NRXN1: variants seen among roughly 807,000 people sequenced by gnomAD.
The protein encoded by NRXN1 is neurexin-1.
Under a neutral mutation model 150.9 loss-of-function variants are expected in NRXN1, and 39 were observed. The observed-to-expected ratio is 0.26, with a 90% CI of 0.20 to 0.34. The LOEUF is 0.34. Among genes scored for constraint, NRXN1 ranks in the 10% least tolerant of loss-of-function variants. NRXN1 has a pLI of 1.00. For synonymous variants in NRXN1, 924 were observed against 757.0 expected (o/e 1.22, Z -3.62); for missense variants, 1,815 against 1,949.9 (o/e 0.93, Z 1.30).
At chr2:50,944,048 G>A (rs541531529) in intron 2 of NRXN1, among the ~76,000 whole-genome samples, 1 of 152,252 alleles carries the variant, frequency 6.6e-6, no homozygotes, top group Admixed American at 6.6e-5. Context: ...AATATGCAGG[G>A]CTTGGTTGTT....
At chr2:50,234,309 C>T (rs1033321579) in intron 18 of NRXN1, among the ~76,000 whole-genome samples, 2 of 151,994 alleles carry the variant, frequency 1.3e-5, no homozygotes, top group Non-Finnish European at 1.5e-5. Context: ...GCCTGGTCAA[C>T]GTAGTGAAAA....
intron 5 of NRXN1, among the ~76,000 whole-genome samples, chr2:50,749,282 G>A (rs1183282886): frequency 6.6e-6 from 1 of 152,060 alleles, no homozygotes; most frequent in Non-Finnish European, 1.5e-5. Context: ...ATAAGATGTG[G>A]CATGATAATC....
chr2:50,163,889 A>G (rs972631775), intron 18 of NRXN1, among the ~76,000 whole-genome samples: 15 of 152,186 alleles, frequency 9.9e-5, no homozygotes, highest in African/African-American at 3.6e-4. Flanking sequence ...TCTATACTTT[A>G]TCTTATTGCA....
intron 21 of NRXN1, among the ~76,000 whole-genome samples, chr2:49,968,168 C>T (rs980428196): frequency 4.0e-5 from 6 of 151,418 alleles, no homozygotes; most frequent in Non-Finnish European, 5.9e-5. Context: ...TAAGAGCTGG[C>T]GAAGGAAGTA....
At chr2:50,401,016 A>G (rs1258844010) in intron 17 of NRXN1, among the ~76,000 whole-genome samples, 1 of 152,124 alleles carries the variant, frequency 6.6e-6, no homozygotes, top group Non-Finnish European at 1.5e-5. Context: ...CCACTCTAAT[A>G]ATGAAATATT....
At chr2:50,648,710 T>C (rs186112591) in intron 5 of NRXN1, among the ~76,000 whole-genome samples, 5 of 152,128 alleles carry the variant, frequency 3.3e-5, no homozygotes, top group African/African-American at 1.2e-4. Context: ...TCAGCAAGCT[T>C]CAGGAAAACC....
At chr2:51,001,018 G>A (rs1388895822) in intron 2 of NRXN1, among the ~76,000 whole-genome samples, 2 of 151,932 alleles carry the variant, frequency 1.3e-5, no homozygotes, top group Non-Finnish European at 2.9e-5. Flanking sequence ...GGATGTAAGA[G>A]CTTACAACAA....
intron 5 of NRXN1, among the ~76,000 whole-genome samples, chr2:50,875,615 T>A (rs1197071108): frequency 6.6e-6 from 1 of 151,802 alleles, no homozygotes; most frequent in Non-Finnish European, 1.5e-5. Flanking sequence ...CCTTAAAAGC[T>A]AAGCTCCTCA....
chr2:50,243,798 C>T (rs1559158785), intron 17 of NRXN1, among the ~76,000 whole-genome samples: 1 of 151,712 alleles, frequency 6.6e-6, no homozygotes, highest in Non-Finnish European at 1.5e-5. Context: ...AAGAGTATTC[C>T]TCTTCAATAA....
At chr2:50,562,614 T>C (rs943372457) in intron 8 of NRXN1, among the ~76,000 whole-genome samples, 15 of 152,288 alleles carry the variant, frequency 9.8e-5, no homozygotes, top group African/African-American at 3.4e-4. Context: ...TGAAAATATG[T>C]TGTCTTCTGT....
At chr2:50,282,560 G>T (rs890510667) in intron 17 of NRXN1, among the ~76,000 whole-genome samples, 3 of 152,132 alleles carry the variant, frequency 2.0e-5, no homozygotes, top group Non-Finnish European at 4.4e-5. Flanking sequence ...ATTTGGGTAT[G>T]ATGATGAAGA....
chr2:49,976,934 CT>C (rs1679093760), intron 21 of NRXN1, among the ~76,000 whole-genome samples: 1 of 152,182 alleles, frequency 6.6e-6, no homozygotes, highest in Non-Finnish European at 1.5e-5. Context: ...AGTGGCCAAG[CT>C]AAACTTGAAT....
rs140904098 is a variant in NRXN1, at chr2:50,356,074, A to G, written c.3364+109368T>C. On this transcript the variant is annotated intron_variant, in intron 17 of 22. Coordinates refer to ENST00000401669, the MANE Select transcript of NRXN1 (RefSeq NM_001330078.2). ...TTCTTTTCCATACTTCAAAAAAAAAAAGAAAGTACTGCCAAGCTAAGATGC... is the reference window on the plus strand; with the variant it reads ...TTCTTTTCCATACTTCAAAAAAAAAGAGAAAGTACTGCCAAGCTAAGATGC... 2.6e-3 allele frequency among the ~76,000 whole-genome samples: 392 copies of G among 152,268 alleles called. 1 individual carries two copies. Among genetic ancestry groups the G allele is most frequent in the African/African-American group, 8.9e-3 (370 of 41,564 alleles).
At chr2:50,270,828 G>T (rs928029854) in intron 17 of NRXN1, among the ~76,000 whole-genome samples, 6 of 151,896 alleles carry the variant, frequency 4.0e-5, no homozygotes, top group African/African-American at 1.5e-4. Flanking sequence ...CTGGCTAATT[G>T]TTGTATTTTT....
intron 21 of NRXN1, among the ~76,000 whole-genome samples, chr2:49,979,621 G>A (rs929841400): frequency 2.0e-5 from 3 of 152,140 alleles, no homozygotes; most frequent in African/African-American, 7.2e-5. Flanking sequence ...ATGTCAGAAA[G>A]TAAACTCCAG....
In NRXN1 at chr2:50,483,525, G is replaced by A. The variant is rs544085907; in HGVS notation, c.3071-11054C>T. ...GGTTCCGGTTCAGGGCCCCTTTCTC[G>A]TAACACTTTCACATCTCTTACTCCA... On this transcript the variant is annotated intron_variant, in intron 15 of 22. Coordinates refer to ENST00000401669, the MANE Select transcript of NRXN1 (RefSeq NM_001330078.2). Among the ~76,000 whole-genome samples, 8 of 152,046 alleles carry A rather than the reference G, an allele frequency of 5.3e-5. No individual in the cohort carries two copies. In the South Asian group the frequency reaches 1.0e-3, roughly 20 times the overall value.
chr2:50,945,204 T>A (rs930163990), intron 2 of NRXN1, among the ~76,000 whole-genome samples: 38 of 152,162 alleles, frequency 2.5e-4, no homozygotes, highest in African/African-American at 8.9e-4. Flanking sequence ...GCTGAGCTCA[T>A]TGGCTCATGC....
intron 5 of NRXN1, among the ~76,000 whole-genome samples, chr2:50,886,700 G>C (rs542037662): frequency 6.6e-6 from 1 of 151,452 alleles, no homozygotes; most frequent in South Asian, 2.1e-4. Flanking sequence ...GTCCATCTGA[G>C]AAACAGTAAG....
At chr2:50,999,418 G>A (rs1699750313) in intron 2 of NRXN1, among the ~76,000 whole-genome samples, 1 of 151,952 alleles carries the variant, frequency 6.6e-6, no homozygotes, top group Non-Finnish European at 1.5e-5. Flanking sequence ...GGGGCTGAAA[G>A]ATTAGGGAGG....
Sources: gnomAD v4.1 joint callset for allele counts (sites outside exome capture counted in the v4.1 genomes callset) on GRCh38, gnomAD v4.1.1 for gene constraint, MANE v1.5 for transcripts, NCBI Gene and HGNC (gene_info 2026-07-23, HGNC 2026-07-21) for gene names.